MACROD2: variants seen among roughly 807,000 people sequenced by gnomAD.
MACROD2 encodes ADP-ribose glycohydrolase MACROD2.
In MACROD2, 36 loss-of-function variants were observed where a neutral mutation model predicts 70.4. The ratio of observed to expected loss-of-function variants is 0.51; its 90% CI spans 0.39 to 0.68. The LOEUF (loss-of-function observed/expected upper bound fraction) is 0.68. Among genes scored for constraint, MACROD2 ranks in the 30% least tolerant of loss-of-function variants. MACROD2 has a pLI of 0.00. For synonymous variants in MACROD2, 172 were observed against 178.8 expected (o/e 0.96, Z 0.30); for missense variants, 496 against 538.4 (o/e 0.92, Z 0.78).
intron 8 of MACROD2, among the ~76,000 whole-genome samples, chr20:15,657,150 T>C (rs967396347): frequency 6.6e-6 from 1 of 152,148 alleles, no homozygotes; most frequent in African/African-American, 2.4e-5. Context: ...TATGCCTGAA[T>C]GGCCACATGG....
At chr20:14,014,129 T>C (rs1011990427) in intron 2 of MACROD2, among the ~76,000 whole-genome samples, 1 of 152,172 alleles carries the variant, frequency 6.6e-6, no homozygotes, top group Non-Finnish European at 1.5e-5. Context: ...AAATAAGGAT[T>C]TTCCTTAAAT....
intron 3 of MACROD2, among the ~76,000 whole-genome samples, chr20:14,213,103 C>A (rs962508559): frequency 6.6e-6 from 1 of 151,734 alleles, no homozygotes; most frequent in Non-Finnish European, 1.5e-5. Context: ...TTTATGCTTC[C>A]ATTAATTCAT....
chr20:14,619,414 A>AAG (rs1568702287), intron 4 of MACROD2, among the ~76,000 whole-genome samples: 6 of 5,540 alleles, frequency 1.1e-3, no homozygotes, highest in Admixed American at 4.5e-3. Flanking sequence ...AGGAAGGAGG[A>AAG]AAGGAGGGAA....
chr20:15,497,558 G>A (rs1289081082), intron 7 of MACROD2, among the ~76,000 whole-genome samples: 4 of 152,224 alleles, frequency 2.6e-5, no homozygotes, highest in Admixed American at 1.3e-4. Flanking sequence ...TCAAAGTGCT[G>A]GAGTTACAGG....
intron 3 of MACROD2, among the ~76,000 whole-genome samples, chr20:14,348,635 G>A (rs1412561335): frequency 6.6e-6 from 1 of 151,860 alleles, no homozygotes; most frequent in Non-Finnish European, 1.5e-5. Flanking sequence ...TTGGTGGAAT[G>A]TACCCTAATT....
chr20:15,471,274 C>G (rs2046961448), intron 7 of MACROD2, among the ~76,000 whole-genome samples: 1 of 152,144 alleles, frequency 6.6e-6, no homozygotes, highest in African/African-American at 2.4e-5. Context: ...TATCAGTACT[C>G]CTAGGGATCA....
At position 14,389,971 on chromosome 20, in the gene MACROD2, G is replaced by A. The variant is rs1280700281; in HGVS notation, c.272-103508G>A. ...AGGAAGTAAACTATCCCTGTTTGCA[G>A]ACAACATGATCTTCTATCTCAAAAG... On this transcript the variant is annotated intron_variant, in intron 3 of 17. Coordinates refer to ENST00000684519, the MANE Select transcript of MACROD2 (RefSeq NM_001351661.2). Among the ~76,000 whole-genome samples, 4 of 152,170 alleles carry A rather than the reference G, an allele frequency of 2.6e-5. No homozygotes were observed. The East Asian group carries it at 5.8e-4, about 22-fold the overall frequency.
At chr20:15,261,283 C>G (rs2146045386) in intron 6 of MACROD2, among the ~76,000 whole-genome samples, 1 of 152,030 alleles carries the variant, frequency 6.6e-6, no homozygotes, top group African/African-American at 2.4e-5. Flanking sequence ...TTCTATTGTC[C>G]ATGTGACTCC....
chr20:13,995,857 T>TGGGGG lies in MACROD2; in HGVS notation c.46+49_46+53dup. On this transcript the variant is annotated intron_variant, in intron 1 of 17. Transcript: ENST00000684519. This position sits in a 1 kb window ranked among gnomAD's most constrained non-coding sequence, Gnocchi z 4.3. The stretch of plus-strand genomic sequence containing the variant: ...GGGGTGCGGGCGGTGGGGGTTAGGG[T>TGGGGG]GGGGGCGGGGGTCAGGCTGTGTGTG... The TGGGGG allele has an allele frequency of 1.1e-5, 3 of 284,096 alleles. No homozygotes were observed. Among genetic ancestry groups the TGGGGG allele is most frequent in the Admixed American group, 8.9e-5 (2 of 22,384 alleles). 17.6% of individuals were successfully genotyped at this position (284,096 alleles called of 1,614,324 possible).
chr20:14,374,597 A>G (rs1317516116), intron 3 of MACROD2, among the ~76,000 whole-genome samples: 1 of 152,156 alleles, frequency 6.6e-6, no homozygotes, highest in Non-Finnish European at 1.5e-5. Context: ...TGATAGAAAG[A>G]TTTTTTTATA....
intron 5 of MACROD2, among the ~76,000 whole-genome samples, chr20:15,019,536 G>A (rs993093132): frequency 2.0e-5 from 3 of 152,096 alleles, no homozygotes; most frequent in Admixed American, 6.5e-5. Flanking sequence ...ACCACTTATG[G>A]CCTCCTTTTC....
At chr20:15,557,301 C>T (rs759024857) in intron 8 of MACROD2, among the ~76,000 whole-genome samples, 38 of 151,992 alleles carry the variant, frequency 2.5e-4, no homozygotes, top group Non-Finnish European at 3.2e-4. Flanking sequence ...GGACAAGATA[C>T]GGGTTAGGAC....
chr20:14,855,009 C>T (rs1311783612), intron 5 of MACROD2, among the ~76,000 whole-genome samples: 1 of 151,676 alleles, frequency 6.6e-6, no homozygotes, highest in East Asian at 1.9e-4. Context: ...GAATGAGACT[C>T]CGTCTCAAAA....
chr20:14,692,901 A>G (rs1463955737), intron 5 of MACROD2, among the ~76,000 whole-genome samples: 1 of 152,202 alleles, frequency 6.6e-6, no homozygotes, highest in Non-Finnish European at 1.5e-5. Flanking sequence ...AAATAACTTA[A>G]TGATTCTAAT....
intron 5 of MACROD2, among the ~76,000 whole-genome samples, chr20:15,059,314 G>T (rs2075512988): frequency 6.6e-6 from 1 of 151,300 alleles, no homozygotes; most frequent in Non-Finnish European, 1.5e-5. Flanking sequence ...GAGCCCAGGA[G>T]GTGGAGGCTG....
intron 5 of MACROD2, among the ~76,000 whole-genome samples, chr20:14,914,291 G>A (rs1202108728): frequency 1.3e-5 from 2 of 152,150 alleles, no homozygotes; most frequent in Admixed American, 6.5e-5. Flanking sequence ...TTAAGCGGGA[G>A]GGAGGTGAGC....
chr20:14,650,876 G>A (rs1177480171), intron 4 of MACROD2, among the ~76,000 whole-genome samples: 2 of 152,162 alleles, frequency 1.3e-5, no homozygotes, highest in Non-Finnish European at 2.9e-5. Flanking sequence ...TCTATGATAA[G>A]CATTCACAGT....
At chr20:15,869,238 T>TAGAGAGAGAGAGAGAGAGAGAGAGAGAG (rs1555788820) in intron 9 of MACROD2, among the ~76,000 whole-genome samples, 1 of 28,294 alleles carries the variant, frequency 3.5e-5, no homozygotes, top group African/African-American at 9.9e-5. Flanking sequence ...TATATATATA[T>TAGAGAGAGAGAGAGAGAGAGAGAGAGAG]AGAGAGAGAG....
intron 5 of MACROD2, among the ~76,000 whole-genome samples, chr20:15,124,509 G>A (rs766266000): frequency 4.6e-5 from 7 of 151,774 alleles, no homozygotes; most frequent in Non-Finnish European, 1.0e-4. Context: ...AAATAAAACA[G>A]CCATGCTGTG....
Sources: allele counts gnomAD v4.1 joint callset (sites outside exome capture counted in the v4.1 genomes callset), GRCh38; gene constraint gnomAD v4.1.1; non-coding constraint Gnocchi (gnomAD v3.1); transcripts MANE v1.5; gene names NCBI Gene and HGNC (gene_info 2026-07-23, HGNC 2026-07-21).